BCAR3: variants seen among roughly 807,000 people sequenced by gnomAD.
BCAR3 encodes the protein BCAR3 adaptor protein, NSP family member, also known as breast cancer anti-estrogen resistance protein 3.
In BCAR3, 37 loss-of-function variants were observed where a neutral mutation model predicts 80.1. The observed-to-expected ratio is 0.46, with a 90% confidence interval of 0.36 to 0.61. The LOEUF is 0.61. BCAR3 is among the 20% of genes least tolerant of loss of function. The probability of loss-of-function intolerance (pLI) is 0.00; values close to 1 mark genes in which losing one functional copy is unlikely to be tolerated. For synonymous variants in BCAR3, 389 were observed against 418.9 expected (o/e 0.93, Z 0.87); for missense variants, 978 against 1,068.2 (o/e 0.92, Z 1.18).
intron 2 of BCAR3, among the ~76,000 whole-genome samples, chr1:93,812,291 G>C (rs11165005): frequency 0.097 from 14,776 of 151,860 alleles, 906 homozygotes; most frequent in East Asian, 0.18. Flanking sequence ...TCCGTCCCAG[G>C]AAGCCCACCG....
chr1:93,812,002 T>C (rs1203445993), intron 2 of BCAR3, among the ~76,000 whole-genome samples: 2 of 152,226 alleles, frequency 1.3e-5, no homozygotes, highest in African/African-American at 4.8e-5. Context: ...ATTGTCTCCA[T>C]CTGCCCACTT....
Position 93,567,345 on chromosome 1 carries a change from C to G in BCAR3, c.2233G>C (p.Ala745Pro). The change falls in exon 11 of 12, where the codon GCA becomes CCA. Residue 745 changes from alanine (A) to proline (P), a missense_variant. Ala to Pro is a conservative substitution (Grantham distance 27). Transcript: ENST00000260502. ...GCCTCGGCCATGAATCGCGCTGTTG[C>G]CAAATGGTTCAGCATGATTTCACAG... is the stretch of plus-strand genomic sequence containing the variant. ...QSCEIMLNHL[A>P]TARFMAEAAD... 6.2e-7 allele frequency: 1 copy of G among 1,614,140 alleles called. No individual in the cohort carries two copies. The highest frequency in any genetic ancestry group is 8.5e-7 in the Non-Finnish European group (1 of 1,180,036).
intron 3 of BCAR3, among the ~76,000 whole-genome samples, chr1:93,597,121 AATAAGT>A (rs1035509777): frequency 5.9e-5 from 9 of 152,190 alleles, no homozygotes; most frequent in African/African-American, 2.2e-4. Context: ...GTACATAAAT[AATAAGT>A]ATAACTTCAG....
intron 2 of BCAR3, among the ~76,000 whole-genome samples, chr1:93,654,218 G>A (rs983452614): frequency 2.0e-5 from 3 of 152,168 alleles, no homozygotes; most frequent in Admixed American, 2.0e-4. Context: ...GGATTTTGTA[G>A]ATGGAATTAA....
At chr1:93,644,045 A>G (rs986698379) in intron 2 of BCAR3, among the ~76,000 whole-genome samples, 2 of 152,156 alleles carry the variant, frequency 1.3e-5, no homozygotes, top group Non-Finnish European at 2.9e-5. Flanking sequence ...TTACTTTCCA[A>G]TCTGACTCTG....
chr1:93,625,282 G>A (rs144124519), intron 3 of BCAR3, among the ~76,000 whole-genome samples: 2 of 152,284 alleles, frequency 1.3e-5, no homozygotes, highest in African/African-American at 4.8e-5. Context: ...GAGGCTTCCA[G>A]AATGCAGTAA....
chr1:93,567,156 G>A, intron 11 of BCAR3, 123 bp downstream of exon 11: 1 of 1,209,904 alleles, frequency 8.3e-7, no homozygotes, highest in Non-Finnish European at 1.2e-6. Flanking sequence ...ATAGGAAATG[G>A]AATTCCATTC....
rs147141067 is a variant in BCAR3 at position 93,657,172 on chromosome 1, T to C, written c.318-14829A>G. ...AACATAAAGACTTGACCCGTGGTTATGGATTCTTAGGAGAAAAATTATTGC... is the reference window on the plus strand; with the variant it reads ...AACATAAAGACTTGACCCGTGGTTACGGATTCTTAGGAGAAAAATTATTGC... On this transcript the variant is annotated intron_variant, in intron 2 of 11. Transcript: ENST00000260502. Among the ~76,000 whole-genome samples, 459 of 152,366 alleles carry C rather than the reference T, an allele frequency of 3.0e-3. 6 individuals carry two copies. In the South Asian group the frequency reaches 0.038, roughly 13 times the overall value.
At chr1:93,798,059 C>T (rs1653343374) in intron 2 of BCAR3, among the ~76,000 whole-genome samples, 1 of 152,198 alleles carries the variant, frequency 6.6e-6, no homozygotes, top group African/African-American at 2.4e-5. Context: ...ACCTTATGAA[C>T]TACTGTGGGT....
rs189528205 is a variant in BCAR3, at chr1:93,789,992, C to A, written c.-63+55575G>T. ...AAACAAAAGTTAATGGGAAGCCCTT[C>A]CCCATTTGGTCAGAAGTAGAGGAGG... On this transcript the variant is annotated intron_variant, in intron 2 of 13. Transcript: ENST00000370244. 7.9e-5 allele frequency among the ~76,000 whole-genome samples: 12 copies of A among 152,206 alleles called. 1 individual carries two copies. The East Asian group carries it at 2.1e-3, about 27-fold the overall frequency.
chr1:93,690,837 G>A (rs1649162125), intron 3 of BCAR3, among the ~76,000 whole-genome samples: 1 of 152,156 alleles, frequency 6.6e-6, no homozygotes, highest in South Asian at 2.1e-4. Flanking sequence ...GGCCTTTAAT[G>A]TATATTCGTT....
chr1:93,667,071 G>A (rs893132089), intron 2 of BCAR3, among the ~76,000 whole-genome samples: 1 of 152,180 alleles, frequency 6.6e-6, no homozygotes, highest in Non-Finnish European at 1.5e-5. Flanking sequence ...AGGACATGGA[G>A]ACTCAGAAAG....
chr1:93,631,744 G>A (rs1410245530), intron 3 of BCAR3, among the ~76,000 whole-genome samples: 1 of 152,194 alleles, frequency 6.6e-6, no homozygotes, highest in Non-Finnish European at 1.5e-5. Flanking sequence ...CTGCAGCACA[G>A]AATACAAATT....
At chr1:93,832,277 G>T (rs533091241) in intron 2 of BCAR3, among the ~76,000 whole-genome samples, 17 of 152,172 alleles carry the variant, frequency 1.1e-4, no homozygotes, top group Admixed American at 1.1e-3. Flanking sequence ...ACTTCCAAAC[G>T]CCTGAACCAC....
intron 2 of BCAR3, among the ~76,000 whole-genome samples, chr1:93,746,958 C>T (rs766777471): frequency 7.9e-5 from 12 of 152,154 alleles, no homozygotes; most frequent in Non-Finnish European, 1.6e-4. Flanking sequence ...CTTCCTTCTC[C>T]GTTTCCTTCA....
chr1:93,740,549 G>A (rs1359636460), intron 2 of BCAR3, among the ~76,000 whole-genome samples: 1 of 152,166 alleles, frequency 6.6e-6, no homozygotes, highest in Non-Finnish European at 1.5e-5. Context: ...GGGTCCTTGA[G>A]CTTGTTGTCC....
chr1:93,719,134 T>A (rs1046618069), intron 2 of BCAR3, among the ~76,000 whole-genome samples: 2 of 151,938 alleles, frequency 1.3e-5, no homozygotes, highest in Non-Finnish European at 2.9e-5. Context: ...CGTTTCTGGG[T>A]GAAAGGGAAG....
intron 3 of BCAR3, among the ~76,000 whole-genome samples, chr1:93,694,353 C>CCCTGGGCGT (rs1383093828): frequency 1.3e-4 from 19 of 151,766 alleles, no homozygotes; most frequent in Non-Finnish European, 2.2e-4. Flanking sequence ...CTGACGCCCT[C>CCCTGGGCGT]CCAGCCACCG....
chr1:93,589,719 A>C (rs1674093698), intron 4 of BCAR3, among the ~76,000 whole-genome samples: 1 of 152,152 alleles, frequency 6.6e-6, no homozygotes, highest in African/African-American at 2.4e-5. Context: ...CTTCTGTTTT[A>C]GTGAGGATAA....
Sources: gnomAD v4.1 joint callset for allele counts (sites outside exome capture counted in the v4.1 genomes callset) on GRCh38, gnomAD v4.1.1 for gene constraint, MANE v1.5 for transcripts, NCBI Gene and HGNC (gene_info 2026-07-23, HGNC 2026-07-21) for gene names.